EIF2B3: variants seen among roughly 807,000 people sequenced by gnomAD.
EIF2B3 encodes the protein eukaryotic translation initiation factor 2B subunit gamma, also known as translation initiation factor eIF2B subunit gamma.
Under a neutral mutation model 54.1 loss-of-function variants are expected in EIF2B3, and 20 were observed. The observed-to-expected ratio is 0.37, with a 90% CI of 0.26 to 0.54. The LOEUF is 0.54. EIF2B3 is among the 20% of genes least tolerant of loss of function. The pLI, the probability that EIF2B3 is intolerant of heterozygous loss-of-function variation, is 0.86. For missense variants in EIF2B3, 448 were observed against 547.8 expected (o/e 0.82, Z 1.82); for synonymous variants, 153 against 188.1 (o/e 0.81, Z 1.52).
At chr1:44,909,734 C>T (rs1643477269) in intron 5 of EIF2B3, among the ~76,000 whole-genome samples, 1 of 152,176 alleles carries the variant, frequency 6.6e-6, no homozygotes, top group Non-Finnish European at 1.5e-5. Context: ...TTCCACAAGC[C>T]CTTCTTCCCT....
Position 44,986,578 on chromosome 1 carries a change from G to T in EIF2B3, c.-95C>A, listed in dbSNP as rs1025995792. On this transcript the variant is annotated 5_prime_UTR_variant, in exon 1 of 12. Transcript: ENST00000360403. ...CCGGCACGCCGCAACCGCTCCCAGC[G>T]ATCTCCACGCCGCCTCTGACTGACA... 1 of 152,900 alleles carries T rather than the reference G, an allele frequency of 6.5e-6. No homozygotes were observed. The highest frequency in any genetic ancestry group is 1.5e-5 in the Non-Finnish European group (1 of 68,586). 9.5% of individuals were successfully genotyped at this position (152,900 alleles called of 1,614,324 possible).
chr1:44,872,836 T>G (rs1223675372), intron 10 of EIF2B3, among the ~76,000 whole-genome samples: 1 of 152,176 alleles, frequency 6.6e-6, no homozygotes, highest in African/African-American at 2.4e-5. Context: ...TATAAATTCC[T>G]TGAGGGAAGA....
intron 10 of EIF2B3, among the ~76,000 whole-genome samples, chr1:44,864,173 T>G (rs1654697480): frequency 6.6e-6 from 1 of 152,216 alleles, no homozygotes; most frequent in Non-Finnish European, 1.5e-5. Flanking sequence ...ATGGGTTTAG[T>G]GCAAATGGTT....
At chr1:44,975,174 C>A (rs548442971) in intron 3 of EIF2B3, among the ~76,000 whole-genome samples, 72 of 152,066 alleles carry the variant, frequency 4.7e-4, no homozygotes, top group Non-Finnish European at 2.9e-5. Flanking sequence ...CTTGATCACA[C>A]CACTGCACTC....
At chr1:44,972,853 A>G (rs959894942) in intron 3 of EIF2B3, among the ~76,000 whole-genome samples, 1 of 151,952 alleles carries the variant, frequency 6.6e-6, no homozygotes, top group East Asian at 1.9e-4. Flanking sequence ...TTTGGGGGCA[A>G]TATAGTGAAA....
At chr1:44,885,559 C>A (rs920812780) in intron 6 of EIF2B3, among the ~76,000 whole-genome samples, 1 of 152,062 alleles carries the variant, frequency 6.6e-6, no homozygotes, top group Non-Finnish European at 1.5e-5. Context: ...TTCTATAAGT[C>A]TATCCTAAGG....
chr1:44,858,583 C>T (rs1654510786), intron 10 of EIF2B3, among the ~76,000 whole-genome samples: 1 of 152,076 alleles, frequency 6.6e-6, no homozygotes, highest in East Asian at 1.9e-4. Context: ...AATTCTCCTG[C>T]CTCAGCCTCC....
rs1166188955 is a variant in EIF2B3, at chr1:44,915,027, G to T, written c.566+11601C>A. On this transcript the variant is annotated intron_variant, in intron 5 of 11. Transcript: ENST00000360403. ...TTTATTTTATTTTTTGGTCAGGCGT[G>T]GTGGCTCACACCTGTAATCCCAGCA... is the stretch of plus-strand genomic sequence containing the variant. Among the ~76,000 whole-genome samples, 10 of 151,190 alleles carry T rather than the reference G, an allele frequency of 6.6e-5. No individual in the cohort carries two copies. In the East Asian group the frequency reaches 2.0e-3, roughly 30 times the overall value.
chr1:44,888,235 G>A (rs1014302465), intron 6 of EIF2B3, among the ~76,000 whole-genome samples: 2 of 152,284 alleles, frequency 1.3e-5, no homozygotes, highest in East Asian at 1.9e-4. Flanking sequence ...ATTTTGCTAC[G>A]TCCAGAATGG....
rs991322579 is a variant in EIF2B3, at chr1:44,896,183, T to C, written c.656+1172A>G. ...ATCTAGCACAATGCCTGGCTCATAA[T>C]GGGTGCTTAATAAGTATGTGTAGAT... On this transcript the variant is annotated intron_variant, in intron 6 of 11. Coordinates refer to ENST00000360403, the MANE Select transcript of EIF2B3 (RefSeq NM_020365.5). Among the ~76,000 whole-genome samples, 5 of 152,338 alleles carry C rather than the reference T, an allele frequency of 3.3e-5. No individual in the cohort carries two copies. In the South Asian group the frequency reaches 6.2e-4, roughly 19 times the overall value.
intron 3 of EIF2B3, among the ~76,000 whole-genome samples, chr1:44,949,734 G>C (rs1644141020): frequency 6.6e-6 from 1 of 152,154 alleles, no homozygotes; most frequent in East Asian, 1.9e-4. Flanking sequence ...GTCCTGGAGG[G>C]CACGGCTGAA....
intron 10 of EIF2B3, among the ~76,000 whole-genome samples, chr1:44,866,117 G>A (rs1654770380): frequency 6.6e-6 from 1 of 152,056 alleles, no homozygotes; most frequent in African/African-American, 2.4e-5. Context: ...TCTATATTTA[G>A]CCAGGCATGG....
At position 44,942,431 on chromosome 1, in the gene EIF2B3, T is replaced by A. The variant is rs1486868599; in HGVS notation, c.295-766A>T. Among the ~76,000 whole-genome samples, 12 of 60,542 alleles carry A rather than the reference T, an allele frequency of 2.0e-4. 1 individual carries two copies. Among genetic ancestry groups the A allele is most frequent in the African/African-American group, 7.6e-4 (10 of 13,204 alleles). 39.7% of individuals were successfully genotyped at this position (60,542 alleles called of 152,430 possible). ...TATATATATATATTTTTTTTTTTTT[T>A]TTTTTTTTTTTTTCCAGACAGGGTC... On this transcript the variant is annotated intron_variant, in intron 3 of 11. Transcript: ENST00000360403.
At chr1:44,884,264 A>G (rs1054936925) in intron 6 of EIF2B3, among the ~76,000 whole-genome samples, 2 of 152,212 alleles carry the variant, frequency 1.3e-5, no homozygotes, top group Non-Finnish European at 1.5e-5. Context: ...CAGTTACAAT[A>G]TTCTGAGAGA....
chr1:44,857,083 G>T (rs1288638252), intron 11 of EIF2B3, among the ~76,000 whole-genome samples: 1 of 152,140 alleles, frequency 6.6e-6, no homozygotes, highest in African/African-American at 2.4e-5. Flanking sequence ...ACTGTGCCTA[G>T]GCTTCAAGAA....
At chr1:44,983,811 A>G (rs997404687) in intron 1 of EIF2B3, among the ~76,000 whole-genome samples, 2 of 151,890 alleles carry the variant, frequency 1.3e-5, no homozygotes, top group Non-Finnish European at 2.9e-5. Flanking sequence ...GGTTCAAGCG[A>G]TTCTCCTGCC....
intron 10 of EIF2B3, among the ~76,000 whole-genome samples, chr1:44,860,790 G>C (rs1368580261): frequency 6.6e-6 from 1 of 152,120 alleles, no homozygotes; most frequent in Non-Finnish European, 1.5e-5. Flanking sequence ...AGCTGGAAGG[G>C]AGAAGGAGGA....
intron 5 of EIF2B3, among the ~76,000 whole-genome samples, chr1:44,915,964 C>G (rs1320900212): frequency 6.6e-6 from 1 of 151,930 alleles, no homozygotes; most frequent in African/African-American, 2.4e-5. Flanking sequence ...TTTTTTAGGT[C>G]TGTTAATGTT....
At chr1:44,931,188 A>G (rs1361783153) in intron 4 of EIF2B3, among the ~76,000 whole-genome samples, 2 of 152,214 alleles carry the variant, frequency 1.3e-5, no homozygotes, top group African/African-American at 4.8e-5. Flanking sequence ...CAAGTTGGAA[A>G]GGCCCAAGTG....
Sources: allele counts gnomAD v4.1 joint callset (sites outside exome capture counted in the v4.1 genomes callset), GRCh38; gene constraint gnomAD v4.1.1; transcripts MANE v1.5; gene names NCBI Gene and HGNC (gene_info 2026-07-23, HGNC 2026-07-21).